Variants in ZKSCAN7 observed in about 807,000 individuals in gnomAD.
ZKSCAN7 encodes zinc finger with KRAB and SCAN domains 7, also known as zinc finger protein with KRAB and SCAN domains 7.
Under a neutral mutation model 65.3 loss-of-function variants are expected in ZKSCAN7, and 38 were observed. The observed-to-expected ratio is 0.58, with a 90% CI of 0.45 to 0.76. The LOEUF (loss-of-function observed/expected upper bound fraction) is 0.76. ZKSCAN7 is among the 30% of genes least tolerant of loss of function. The pLI is 0.00. For synonymous variants in ZKSCAN7, 321 were observed against 321.0 expected (o/e 1.00, Z 0.00); for missense variants, 815 against 913.3 (o/e 0.89, Z 1.39).
intron 2 of ZKSCAN7, among the ~76,000 whole-genome samples, chr3:44,561,576 T>A (rs931139444): frequency 3.3e-5 from 5 of 152,218 alleles, no homozygotes; most frequent in African/African-American, 9.6e-5. Context: ...ACAGGGTAAG[T>A]CCCTTCCACC....
At chr3:44,581,168 T>A in intron 5 of ZKSCAN7, 1 of 846,404 alleles carries the variant, frequency 1.2e-6, no homozygotes, top group Non-Finnish European at 1.4e-6. Context: ...GGCGGCTCGC[T>A]GCACGCGCCG....
intron 2 of ZKSCAN7, 39 bp downstream of exon 2, chr3:44,557,509 C>G (rs1366529152): frequency 5.0e-6 from 8 of 1,611,942 alleles, no homozygotes; most frequent in African/African-American, 1.3e-5. Flanking sequence ...TGATGCTTCT[C>G]TAATGCTTGG....
intron 2 of ZKSCAN7, 92 bp from the exon 3 acceptor site, chr3:44,565,395 G>A: frequency 7.6e-7 from 1 of 1,310,124 alleles, no homozygotes; most frequent in Non-Finnish European, 1.0e-6. Flanking sequence ...TCTTTTCCCT[G>A]GCTTTCTTTC....
chr3:44,576,473 C>T (rs1257352139), downstream of ZKSCAN7, among the ~76,000 whole-genome samples: 1 of 152,048 alleles, frequency 6.6e-6, no homozygotes, highest in Non-Finnish European at 1.5e-5. Context: ...TTACCAAAGG[C>T]AGTGTATCTT....
intron 1 of ZKSCAN7, among the ~76,000 whole-genome samples, chr3:44,556,281 A>G (rs1037502639): frequency 1.3e-5 from 2 of 152,246 alleles, no homozygotes; most frequent in African/African-American, 2.4e-5. Context: ...GGAAGCTACC[A>G]GCACTCTTCC....
At chr3:44,581,039 G>A (rs1456072047) in intron 5 of ZKSCAN7, 18 of 1,537,818 alleles carry the variant, frequency 1.2e-5, no homozygotes, top group Admixed American at 2.0e-5. Context: ...TCGGCGCGGC[G>A]GCGGCGGCGG....
rs1210739934 is a variant in ZKSCAN7, at chr3:44,565,599, C to T, written c.536C>T (p.Ala179Val). ...SPLSGGSAPGAHLEPPYDPGT... is the reference protein window; with the variant it reads ...SPLSGGSAPGVHLEPPYDPGT... The stretch of plus-strand genomic sequence containing the variant: ...CTCAGTGGGGGCTCAGCCCCTGGAG[C>T]CCACCTGGAGCCTCCTTATGACCCA... The change falls in exon 3 of 6, where the codon GCC (alanine) becomes GTC (valine). Residue 179 changes from alanine to valine, a missense_variant. Coordinates refer to ENST00000426540, the MANE Select transcript of ZKSCAN7 (RefSeq NM_001288590.2). 1.2e-6 allele frequency: 2 copies of T among 1,612,536 alleles called. No individual in the cohort carries two copies. The highest frequency in any genetic ancestry group is 2.2e-5 in the East Asian group (1 of 44,830).
chr3:44,574,177 T>A (rs995607224), downstream of ZKSCAN7, among the ~76,000 whole-genome samples: 3 of 152,174 alleles, frequency 2.0e-5, no homozygotes, highest in African/African-American at 7.2e-5. Flanking sequence ...AGTGATGTGA[T>A]CATGGCTTAC....
rs377234323 is a variant in ZKSCAN7, at chr3:44,579,977, G to GT, written c.812-2995_812-2994insT. ...CCGAGGCGTCTGGGAGAGGAGCTTGGGGGGGGGCTTCATTGGTGAAGTCCT... is the reference window on the plus strand; with the variant it reads ...CCGAGGCGTCTGGGAGAGGAGCTTGGTGGGGGGGCTTCATTGGTGAAGTCCT... On this transcript the variant is annotated intron_variant, in intron 5 of 5. Transcript: ENST00000341840. 629 of 1,587,458 alleles carry GT rather than the reference G, an allele frequency of 4.0e-4. No homozygotes were observed. In the East Asian group the frequency reaches 9.2e-3, roughly 23 times the overall value.
At chr3:44,582,127 C>T (rs937347285) in intron 5 of ZKSCAN7, among the ~76,000 whole-genome samples, 7 of 152,202 alleles carry the variant, frequency 4.6e-5, no homozygotes, top group African/African-American at 9.7e-5. Context: ...AAGGTGTTAA[C>T]GATTACAGCT....
intron 2 of ZKSCAN7, among the ~76,000 whole-genome samples, chr3:44,562,080 G>GC (rs1699490356): frequency 6.6e-6 from 1 of 152,206 alleles, no homozygotes; most frequent in Admixed American, 6.5e-5. Flanking sequence ...TGACAGTTTT[G>GC]CCCCTGCAGC....
At position 44,557,276 on chromosome 3, in the gene ZKSCAN7, G is replaced by C; in HGVS notation, c.229G>C (p.Glu77Gln). 6.2e-7 allele frequency: 1 copy of C among 1,614,272 alleles called. No individual in the cohort carries two copies. Among genetic ancestry groups the C allele is most frequent in the Non-Finnish European group, 8.5e-7 (1 of 1,180,054 alleles). Reference sequence around the variant, plus strand: ...GCAGGAAGCATTGAGCCGGCTTCGGGAGCTCTGCCGCTGGTGGCTCATGCC... The same window carrying C: ...GCAGGAAGCATTGAGCCGGCTTCGGCAGCTCTGCCGCTGGTGGCTCATGCC... ...GPQEALSRLR[E>Q]LCRWWLMPEV... is the part of the protein sequence containing the mutation. The change falls in exon 2 of 6, where the codon GAG becomes CAG. Residue 77 changes from glutamate to glutamine, a missense_variant. By Grantham distance (29) the Glu-to-Gln change is conservative (BLOSUM62 2). Coordinates refer to ENST00000426540, the MANE Select transcript of ZKSCAN7 (RefSeq NM_001288590.2).
At chr3:44,581,217 G>A (rs1257408066) in intron 5 of ZKSCAN7, among the ~76,000 whole-genome samples, 1 of 147,282 alleles carries the variant, frequency 6.8e-6, no homozygotes, top group African/African-American at 2.4e-5. Context: ...CGCGCGCGAC[G>A]CCCAGCTCCC....
At chr3:44,567,067 G>A (rs1392690195) in intron 3 of ZKSCAN7, among the ~76,000 whole-genome samples, 2 of 151,636 alleles carry the variant, frequency 1.3e-5, no homozygotes, top group Non-Finnish European at 2.9e-5. Flanking sequence ...AGTGAGGCAT[G>A]ATCATGCCAC....
chr3:44,580,141 T>A, intron 5 of ZKSCAN7: 1 of 1,607,040 alleles, frequency 6.2e-7, no homozygotes, highest in South Asian at 1.1e-5. Context: ...TGGGACCTCC[T>A]GTGGTTGGGG....
chr3:44,572,100 C>T lies in ZKSCAN7; in HGVS notation c.*725C>T. ...TTTGAGGTCAGGTATGTATTTCTTT[C>T]CCATATAGATAGTATTTTGTACATA... On this transcript the variant is annotated 3_prime_UTR_variant, in exon 6 of 6. Coordinates refer to ENST00000426540, the MANE Select transcript of ZKSCAN7 (RefSeq NM_001288590.2). 1.0e-6 allele frequency: 1 copy of T among 983,754 alleles called. No individual in the cohort carries two copies. Among genetic ancestry groups the T allele is most frequent in the Non-Finnish European group, 1.2e-6 (1 of 828,498 alleles). The allele number at this position is 983,754 out of a possible 1,614,324, so 60.9% of individuals were successfully genotyped here.
intron 5 of ZKSCAN7, among the ~76,000 whole-genome samples, chr3:44,581,471 G>A (rs2125738038): frequency 6.6e-6 from 1 of 152,270 alleles, no homozygotes; most frequent in East Asian, 1.9e-4. Context: ...AAATCACACG[G>A]GTTAGAGAAC....
intron 5 of ZKSCAN7, among the ~76,000 whole-genome samples, chr3:44,579,426 C>T (rs373216954): frequency 1.3e-5 from 2 of 152,218 alleles, no homozygotes; most frequent in African/African-American, 4.8e-5. Flanking sequence ...GAGAGGCCCT[C>T]TCGCCTCCGC....
chr3:44,581,120 G>A (rs1390696439), intron 5 of ZKSCAN7: 34 of 992,320 alleles, frequency 3.4e-5, no homozygotes, highest in Admixed American at 3.1e-4. Flanking sequence ...ATCCCTCGCC[G>A]GCCCTGCCAC....
Sources: gnomAD v4.1 joint callset for allele counts (sites outside exome capture counted in the v4.1 genomes callset) on GRCh38, gnomAD v4.1.1 for gene constraint, MANE v1.5 for transcripts, NCBI Gene and HGNC (gene_info 2026-07-23, HGNC 2026-07-21) for gene names.